DPH1: variants seen among roughly 807,000 people sequenced by gnomAD.
DPH1 encodes diphthamide biosynthesis 1.
In DPH1, 59 loss-of-function variants were observed where a neutral mutation model predicts 55.3. The observed-to-expected ratio is 1.07, with a 90% CI of 0.87 to 1.33. The LOEUF is 1.33. DPH1 is among the 40% of genes most tolerant of loss of function. The pLI is 0.00. For synonymous variants in DPH1, 238 were observed against 235.5 expected (o/e 1.01, Z -0.10); for missense variants, 628 against 584.8 (o/e 1.07, Z -0.76).
intron 1 of DPH1, among the ~76,000 whole-genome samples, chr17:2,031,704 G>A (rs1310333255): frequency 2.0e-5 from 3 of 152,032 alleles, no homozygotes; most frequent in Non-Finnish European, 2.9e-5. Flanking sequence ...TTGCACCCCT[G>A]CACTCCAGCC....
In DPH1 at chr17:2,040,257, T is replaced by C. The variant is rs762642268; in HGVS notation, c.789T>C (p.Tyr263=). ...PYSKVLSREH[Y]DHQRMQAARQ... ...GCAAAGTCCTATCCAGAGAACACTA[T>C]GACCACCAGCGCATGCAGGCTGCTC... Residue 263 remains tyrosine (Y), a synonymous_variant, in exon 8 of 13, where the codon TAT becomes TAC. Coordinates refer to ENST00000263083, the MANE Select transcript of DPH1 (RefSeq NM_001383.6). 3.1e-6 allele frequency: 5 copies of C among 1,614,120 alleles called. No homozygotes were observed. Among genetic ancestry groups the C allele is most frequent in the South Asian group, 2.2e-5 (2 of 91,084 alleles).
Position 2,042,911 on chromosome 17 carries a change from A to G in DPH1, c.*325A>G, listed in dbSNP as rs1260757704. The G allele has an allele frequency of 6.2e-7, 1 of 1,614,162 alleles. No homozygotes were observed. Among genetic ancestry groups the G allele is most frequent in the Admixed American group, 1.7e-5 (1 of 60,020 alleles). Reference sequence around the variant, plus strand: ...ATTGGGTTCAAGGAATCCATCCTGCAAAGGCCCTTGTCATTGCCTTCGCTC... The same window carrying G: ...ATTGGGTTCAAGGAATCCATCCTGCGAAGGCCCTTGTCATTGCCTTCGCTC... On this transcript the variant is annotated 3_prime_UTR_variant, in exon 13 of 13. Coordinates refer to ENST00000263083, the MANE Select transcript of DPH1 (RefSeq NM_001383.6).
Position 2,043,283 on chromosome 17 carries a change from G to C in DPH1, c.*697G>C. ...GGGCCCTGCCCTGTACTGAAGAAAA[G>C]GGGAGCACAAGGCCTTAATGGACAT... On this transcript the variant is annotated 3_prime_UTR_variant, in exon 13 of 13. Coordinates refer to ENST00000263083, the MANE Select transcript of DPH1 (RefSeq NM_001383.6). 1.4e-6 allele frequency: 1 copy of C among 739,632 alleles called. No homozygotes were observed. The highest frequency in any genetic ancestry group is 2.0e-5 in the South Asian group (1 of 50,038). 45.8% of individuals were successfully genotyped at this position (739,632 alleles called of 1,614,324 possible). A position where few individuals can be genotyped will look rare whatever the true frequency, so the allele number is the denominator to read the frequency against.
rs367944008 is a variant in DPH1, at chr17:2,036,721, G to A, written c.558+35G>A. 6.2e-7 allele frequency: 1 copy of A among 1,611,828 alleles called. No individual in the cohort carries two copies. The highest frequency in any genetic ancestry group is 8.5e-7 in the Non-Finnish European group (1 of 1,178,958). ...ACGAGGATCCTCGGCCTCCTGCAGG[G>A]TGGACAGCGGCCACTCTCCAGCTGT... is the stretch of plus-strand genomic sequence containing the variant. On this transcript the variant is annotated intron_variant, in intron 5 of 12. Coordinates refer to ENST00000263083, the MANE Select transcript of DPH1 (RefSeq NM_001383.6). The surrounding 1 kb of genome is among the most constrained non-coding windows in gnomAD (Gnocchi z 4.8).
In DPH1 at chr17:2,043,436, C is replaced by A. The variant is rs574164110; in HGVS notation, c.*850C>A. 13 of 275,752 alleles carry A rather than the reference C, an allele frequency of 4.7e-5. No individual in the cohort carries two copies. The South Asian group carries it at 9.7e-4, about 21-fold the overall frequency. The allele number at this position is 275,752 out of a possible 1,614,324, so 17.1% of individuals were successfully genotyped here. On this transcript the variant is annotated 3_prime_UTR_variant, in exon 13 of 13. Transcript: ENST00000263083. ...AAGTGGTGATTTGGATTTTGAGCAT[C>A]TTTTTCCTGGTACACACAGAAAAAC...
rs1216900366 is a variant in DPH1 at position 2,036,379 on chromosome 17, TAGGGGATCTGTG to T, written c.401-148_401-137del. 2.6e-6 allele frequency: 3 copies of T among 1,139,754 alleles called. No homozygotes were observed. Among genetic ancestry groups the T allele is most frequent in the South Asian group, 1.5e-5 (1 of 66,844 alleles). 70.6% of individuals were successfully genotyped at this position (1,139,754 alleles called of 1,614,324 possible). On this transcript the variant is annotated intron_variant, in intron 4 of 12. Coordinates refer to ENST00000263083, the MANE Select transcript of DPH1 (RefSeq NM_001383.6). The surrounding 1 kb of genome is among the most constrained non-coding windows in gnomAD (Gnocchi z 4.8). Reference sequence around the variant, plus strand: ...AGAAGTCTGATTGAGAAGGAGCTTCTAGGGGATCTGTGACCCCCCTCTTCTCCTACCCTGTCC... The same window carrying T: ...AGAAGTCTGATTGAGAAGGAGCTTCTACCCCCCTCTTCTCCTACCCTGTCC...
intron 3 of DPH1, among the ~76,000 whole-genome samples, chr17:2,034,507 C>G (rs2067377797): frequency 8.5e-6 from 1 of 117,816 alleles, no homozygotes; most frequent in Non-Finnish European, 1.8e-5. Context: ...CCCCTTCTCC[C>G]CCATCCCCCT....
intron 1 of DPH1, among the ~76,000 whole-genome samples, chr17:2,032,638 A>G (rs983426868): frequency 1.3e-5 from 2 of 152,242 alleles, no homozygotes; most frequent in African/African-American, 4.8e-5. Flanking sequence ...GGAGATTTGC[A>G]GGGAGAGAAC....
At chr17:2,032,769 T>A (rs1243418069) in intron 1 of DPH1, among the ~76,000 whole-genome samples, 3 of 152,276 alleles carry the variant, frequency 2.0e-5, no homozygotes, top group Non-Finnish European at 4.4e-5. Flanking sequence ...TTTGAGATGG[T>A]GTCTCGCTCT....
At chr17:2,042,395 C>T (rs2067555473) in intron 12 of DPH1, 7 of 1,277,138 alleles carry the variant, frequency 5.5e-6, no homozygotes, top group Non-Finnish European at 7.1e-6. Flanking sequence ...AAACTGCAGC[C>T]TGTCCTCCCA....
chr17:2,037,039 G>T, intron 6 of DPH1, 83 bp downstream of exon 6: 1 of 1,535,264 alleles, frequency 6.5e-7, no homozygotes, highest in Non-Finnish European at 8.8e-7. Context: ...ATCCAGGAAA[G>T]AAACCAAATC....
At chr17:2,030,279 G>A (rs2067313323) in intron 1 of DPH1, 49 bp downstream of exon 1, 1 of 1,533,478 alleles carries the variant, frequency 6.5e-7, no homozygotes, top group Non-Finnish European at 8.8e-7. Context: ...TCGGGGCGGG[G>A]CCCCCAAGTT....
intron 7 of DPH1, 76 bp downstream of exon 7, chr17:2,039,899 G>A (rs1341899312): frequency 3.1e-6 from 5 of 1,597,752 alleles, no homozygotes; most frequent in Non-Finnish European, 4.3e-6. Context: ...TCAATTGGTT[G>A]CATCCCCATT....
In DPH1 at chr17:2,039,862, G is replaced by A. The variant is rs774761076; in HGVS notation, c.749+39G>A. The stretch of plus-strand genomic sequence containing the variant: ...CGGGCTGGGCTGACCAGCTGGTGAG[G>A]GGTGAGATTCCCTGCCACTGAGGTC... On this transcript the variant is annotated intron_variant, in intron 7 of 12. Transcript: ENST00000263083. 6 of 1,613,460 alleles carry A rather than the reference G, an allele frequency of 3.7e-6. No homozygotes were observed. The highest frequency in any genetic ancestry group is 1.3e-5 in the African/African-American group (1 of 74,930).
At position 2,042,501 on chromosome 17, in the gene DPH1, C is replaced by CCTTT. The variant is rs2067559422; in HGVS notation, c.*19-103_*19-100dup. On this transcript the variant is annotated intron_variant, in intron 12 of 12. Transcript: ENST00000263083. ...TTCCCCCAGACTTTTGCCTCGATTC[C>CCTTT]CTTTTTCTCTCTGTCATCTCGAACC... The CCTTT allele has an allele frequency of 2.8e-6, 4 of 1,439,290 alleles. No individual in the cohort carries two copies. The Admixed American group carries it at 1.1e-4, about 38-fold the overall frequency. 89.2% of individuals were successfully genotyped at this position (1,439,290 alleles called of 1,614,324 possible).
intron 12 of DPH1, 22 bp from the exon 13 acceptor site, chr17:2,042,583 C>G (rs2067561802): frequency 1.3e-6 from 2 of 1,507,738 alleles, no homozygotes; most frequent in South Asian, 2.8e-5. Flanking sequence ...TAATCCCATC[C>G]TTTTTCCTCA....
Position 2,042,791 on chromosome 17 carries a change from T to C in DPH1, c.*205T>C, listed in dbSNP as rs1188847294. On this transcript the variant is annotated 3_prime_UTR_variant, in exon 13 of 13. Coordinates refer to ENST00000263083, the MANE Select transcript of DPH1 (RefSeq NM_001383.6). ...CTTGGTTTCAGCCAAGGGGCTGCGC[T>C]AGCAGCCCTTGTGTGTGCCCTGGGC... The C allele has an allele frequency of 6.2e-7, 1 of 1,613,400 alleles. No individual in the cohort carries two copies. The highest frequency in any genetic ancestry group is 2.2e-5 in the East Asian group (1 of 44,894).
rs61753099 is a variant in DPH1 at position 2,036,677 on chromosome 17, G to A, written c.549G>A (p.Ser183=). ...LALVSTIQFV[S]TLQAAAQELK... ...TGGTCAGCACCATTCAGTTTGTGTC[G>A]ACCTTGCAGGTGGGTGGAACGAGGA... Residue 183 remains serine, a synonymous_variant, in exon 5 of 13, where the codon TCG becomes TCA. Transcript: ENST00000263083. The surrounding 1 kb of genome is among the most constrained non-coding windows in gnomAD (Gnocchi z 4.8). The A allele has an allele frequency of 0.071, 115,347 of 1,613,962 alleles. 4,693 individuals carry two copies. Among genetic ancestry groups the A allele is most frequent in the Middle Eastern group, 0.12 (750 of 6,062 alleles).
chr17:2,043,028 C>T lies in DPH1; in HGVS notation c.*442C>T. ...CCCGGAGCCATCACCCTCACCCACTCTGGTGGCCACTTCATTCCAGCAGCT... is the reference window on the plus strand; with the variant it reads ...CCCGGAGCCATCACCCTCACCCACTTTGGTGGCCACTTCATTCCAGCAGCT... On this transcript the variant is annotated 3_prime_UTR_variant, in exon 13 of 13. Coordinates refer to ENST00000263083, the MANE Select transcript of DPH1 (RefSeq NM_001383.6). 3.7e-6 allele frequency: 6 copies of T among 1,614,098 alleles called. No individual in the cohort carries two copies. The highest frequency in any genetic ancestry group is 5.1e-6 in the Non-Finnish European group (6 of 1,180,034).
Sources: gnomAD v4.1 joint callset for allele counts (sites outside exome capture counted in the v4.1 genomes callset) on GRCh38, gnomAD v4.1.1 for gene constraint, Gnocchi (gnomAD v3.1) non-coding constraint, MANE v1.5 for transcripts, NCBI Gene and HGNC (gene_info 2026-07-23, HGNC 2026-07-21) for gene names.